Variants in GFPT2 observed in about 807,000 individuals in gnomAD.
The protein encoded by GFPT2 is glutamine--fructose-6-phosphate transaminase 2, also known as glutamine--fructose-6-phosphate aminotransferase [isomerizing] 2.
GFPT2 carries 62 observed loss-of-function variants against 85.6 expected under a neutral mutation model. The ratio of observed to expected loss-of-function variants is 0.72; its 90% CI spans 0.59 to 0.90. The LOEUF (loss-of-function observed/expected upper bound fraction) is 0.90, where lower values mean the gene tolerates loss of function less well. Ranked by LOEUF, GFPT2 falls within the 40% of genes least tolerant of loss-of-function variation. GFPT2 has a pLI of 0.00. For missense variants in GFPT2, 788 were observed against 893.4 expected, an observed-to-expected ratio of 0.88 and a Z score of 1.50; for synonymous variants, 368 against 344.5, an observed-to-expected ratio of 1.07 and a Z score of -0.75.
Position 180,330,950 on chromosome 5 carries a change from A to G in GFPT2, c.400-116T>C, listed in dbSNP as rs1764289790. 1.1e-6 allele frequency: 1 copy of G among 921,896 alleles called. No homozygotes were observed. Among genetic ancestry groups the G allele is most frequent in the African/African-American group, 1.7e-5 (1 of 60,274 alleles). The allele number at this position is 921,896 out of a possible 1,614,324, so 57.1% of individuals were successfully genotyped here. The stretch of plus-strand genomic sequence containing the variant: ...GGAGTGACTTAAGTCAAGAACAGGG[A>G]AAACCGGGAAGGGGGGAAAAATGTT... On this transcript the variant is annotated intron_variant, in intron 5 of 18. Coordinates refer to ENST00000253778, the MANE Select transcript of GFPT2 (RefSeq NM_005110.4). The surrounding 1 kb of genome is among the most constrained non-coding windows in gnomAD (Gnocchi z 4.4).
intron 9 of GFPT2, among the ~76,000 whole-genome samples, chr5:180,322,736 T>TTA (rs1764142365): frequency 6.6e-6 from 1 of 151,984 alleles, no homozygotes; most frequent in South Asian, 2.1e-4. Flanking sequence ...GCCTTTTTTT[T>TTA]AAAAAAAAAG....
Position 180,301,383 on chromosome 5 carries a change from G to C in GFPT2, c.*181C>G, listed in dbSNP as rs1763668853. On this transcript the variant is annotated 3_prime_UTR_variant, in exon 19 of 19. Transcript: ENST00000253778. The stretch of plus-strand genomic sequence containing the variant: ...TCTCCTCTGGCGACTTCAGGACACA[G>C]AGAAACAGTATCTGCTGTAAGCAAA... 4 of 635,114 alleles carry C rather than the reference G, an allele frequency of 6.3e-6. No homozygotes were observed. In the South Asian group the frequency reaches 7.6e-5, roughly 12 times the overall value. The allele number at this position is 635,114 out of a possible 1,614,324, so 39.3% of individuals were successfully genotyped here.
At chr5:180,352,198 C>T (rs576658452) in intron 1 of GFPT2, among the ~76,000 whole-genome samples, 5 of 152,216 alleles carry the variant, frequency 3.3e-5, no homozygotes, top group African/African-American at 1.2e-4. Context: ...GAGGCCTGCA[C>T]AGACCTCGGC....
chr5:180,334,865 G>A, intron 4 of GFPT2, among the ~76,000 whole-genome samples: 1 of 152,220 alleles, frequency 6.6e-6, no homozygotes, highest in Non-Finnish European at 1.5e-5. Context: ...GCATCCCACT[G>A]CAGGGGACCC....
At chr5:180,324,686 C>A in intron 8 of GFPT2, 130 bp downstream of exon 8, 1 of 705,678 alleles carries the variant, frequency 1.4e-6, no homozygotes, top group Non-Finnish European at 2.6e-6. Context: ...AGACCTGGAG[C>A]TGTGCGCCTG....
At chr5:180,304,264 A>G (rs754606632) in intron 17 of GFPT2, among the ~76,000 whole-genome samples, 13 of 152,174 alleles carry the variant, frequency 8.5e-5, no homozygotes, top group Non-Finnish European at 1.9e-4. Context: ...CCTGAGTTCT[A>G]TGGGTCGTTC....
chr5:180,320,281 C>T (rs978423124), intron 9 of GFPT2, among the ~76,000 whole-genome samples: 3 of 152,032 alleles, frequency 2.0e-5, no homozygotes, highest in Non-Finnish European at 4.4e-5. Flanking sequence ...TGTGAGCCAC[C>T]GTGCCCAGCC....
In GFPT2 at chr5:180,324,291, C is replaced by T. The variant is rs748031183; in HGVS notation, c.691G>A (p.Val231Met). ...ATCCGTGTCTTACAGATATTCTTCA[C>T]ATTCTCCAGAGTGCCTAGCAAATGG... Reference protein sequence around the residue: ...ILYRTCTLENVKNICKTRMKR... With the variant: ...ILYRTCTLENMKNICKTRMKR... Residue 231 changes from valine to methionine, a missense_variant, in exon 9 of 19, where the codon GTG (valine) becomes ATG (methionine). Coordinates refer to ENST00000253778, the MANE Select transcript of GFPT2 (RefSeq NM_005110.4). 21 of 1,598,038 alleles carry T rather than the reference C, an allele frequency of 1.3e-5. No homozygotes were observed. The highest frequency in any genetic ancestry group is 1.2e-5 in the Non-Finnish European group (14 of 1,167,958).
rs115043860 is a variant in GFPT2, at chr5:180,306,626, C to T, written c.1674+550G>A. 3.4e-3 allele frequency among the ~76,000 whole-genome samples: 513 copies of T among 152,192 alleles called. 2 individuals carry two copies. Among genetic ancestry groups the T allele is most frequent in the Non-Finnish European group, 5.4e-3 (365 of 68,000 alleles). ...CCAATTTTTGAAAAAGCAAGGCCTT[C>T]GAAGTTAATTCCTGCAGGATCTCAA... On this transcript the variant is annotated intron_variant, in intron 16 of 18. Transcript: ENST00000253778.
rs761481146 is a variant in GFPT2, at chr5:180,318,908, G to A, written c.843C>T (p.Asp281=). 15 of 1,613,600 alleles carry A rather than the reference G, an allele frequency of 9.3e-6. No individual in the cohort carries two copies. The highest frequency in any genetic ancestry group is 1.6e-4 in the Middle Eastern group (1 of 6,084). The change falls in exon 10 of 19, where the codon GAC becomes GAT. Residue 281 remains aspartate, a synonymous_variant. Transcript: ENST00000253778. This position sits in a 1 kb window ranked among gnomAD's most constrained non-coding sequence, Gnocchi z 4.2. ...GTTTCCCATCAGCCACTGCGGCGATGTCATCGTCCTCCAGGAAGATGACCC... is the reference window on the plus strand; with the variant it reads ...GTTTCCCATCAGCCACTGCGGCGATATCATCGTCCTCCAGGAAGATGACCC... ...TNRVIFLEDD[D]IAAVADGKLS...
At chr5:180,352,436 A>G (rs532182378) in intron 1 of GFPT2, 2 of 454,494 alleles carry the variant, frequency 4.4e-6, no homozygotes, top group Admixed American at 2.4e-5. Context: ...CCAGGAGAGT[A>G]AAGAATTGCA....
At chr5:180,312,114 GCAGGGAGGCGGGGAGGCTGAGGAC>G (rs1452135421) in intron 15 of GFPT2, among the ~76,000 whole-genome samples, 2 of 117,634 alleles carry the variant, frequency 1.7e-5, no homozygotes, top group South Asian at 3.4e-4. Context: ...GACCAGGGAG[GCAGGGAGGCGGGGAGGCTGAGGAC>G]CAGGGAGGCA....
At chr5:180,346,572 G>A (rs974027453) in intron 1 of GFPT2, among the ~76,000 whole-genome samples, 4 of 152,196 alleles carry the variant, frequency 2.6e-5, no homozygotes, top group African/African-American at 9.7e-5. Context: ...AACCCCTCCT[G>A]CTGTCTGGCC....
At chr5:180,338,054 G>A (rs1444162528) in intron 2 of GFPT2, among the ~76,000 whole-genome samples, 1 of 152,180 alleles carries the variant, frequency 6.6e-6, no homozygotes, top group Non-Finnish European at 1.5e-5. Context: ...GAGCCCAGGA[G>A]CTTGAGGCTG....
Position 180,336,629 on chromosome 5 carries a change from A to G in GFPT2, c.116-52T>C. On this transcript the variant is annotated intron_variant, in intron 2 of 18. Transcript: ENST00000253778. ...TTGCAACCAAAGCTTTTTCTCACAC[A>G]CTTGGCACAGGTGCTCCGCAGGGTC... is the stretch of plus-strand genomic sequence containing the variant. 4.9e-6 allele frequency: 6 copies of G among 1,215,244 alleles called. No homozygotes were observed. The South Asian group carries it at 6.0e-5, about 12-fold the overall frequency. 75.3% of individuals were successfully genotyped at this position (1,215,244 alleles called of 1,614,324 possible).
At chr5:180,322,389 T>G (rs1764137385) in intron 9 of GFPT2, among the ~76,000 whole-genome samples, 1 of 152,238 alleles carries the variant, frequency 6.6e-6, no homozygotes, top group South Asian at 2.1e-4. Context: ...ATGGTAAATT[T>G]CTGTAGACTT....
At chr5:180,321,470 A>T (rs898172105) in intron 9 of GFPT2, among the ~76,000 whole-genome samples, 1 of 152,244 alleles carries the variant, frequency 6.6e-6, no homozygotes, top group East Asian at 1.9e-4. Flanking sequence ...CGTGGGCAAC[A>T]TACATAACCC....
At chr5:180,312,021 G>T (rs1159665616) in intron 15 of GFPT2, among the ~76,000 whole-genome samples, 1 of 121,188 alleles carries the variant, frequency 8.3e-6, no homozygotes, top group African/African-American at 3.0e-5. Context: ...CAGGGAGGCA[G>T]GGAGGCGGGG....
At chr5:180,344,186 A>G (rs531011926) in intron 1 of GFPT2, among the ~76,000 whole-genome samples, 52 of 152,352 alleles carry the variant, frequency 3.4e-4, no homozygotes, top group African/African-American at 1.3e-3. Flanking sequence ...GTCAAGGGAA[A>G]AAGAAGCTTG....
Sources: gnomAD v4.1 joint callset for allele counts (sites outside exome capture counted in the v4.1 genomes callset) on GRCh38, gnomAD v4.1.1 for gene constraint, Gnocchi (gnomAD v3.1) non-coding constraint, MANE v1.5 for transcripts, NCBI Gene and HGNC (gene_info 2026-07-23, HGNC 2026-07-21) for gene names.